The following ATP8B1 variants were observed in gnomAD, a reference collection of about 807,000 sequenced individuals.
ATP8B1 encodes the protein phospholipid-transporting ATPase IC.
Under a neutral mutation model 149.9 loss-of-function variants are expected in ATP8B1, and 80 were observed. That is an observed-to-expected ratio of 0.53 (90% confidence interval 0.45 to 0.64). The LOEUF is 0.64. ATP8B1 is among the 30% of genes least tolerant of loss of function. The probability of loss-of-function intolerance (pLI) is 0.00; values close to 1 mark genes in which losing one functional copy is unlikely to be tolerated. For synonymous variants in ATP8B1, 536 were observed against 562.8 expected (o/e 0.95, Z 0.67); for missense variants, 1,247 against 1,552.6 (o/e 0.80, Z 3.31).
intron 1 of ATP8B1, among the ~76,000 whole-genome samples, chr18:57,752,645 C>A (rs1023681103): frequency 6.6e-6 from 1 of 152,090 alleles, no homozygotes; most frequent in Non-Finnish European, 1.5e-5. Context: ...TATTAACCAT[C>A]GTAAACCTGA....
intron 1 of ATP8B1, among the ~76,000 whole-genome samples, chr18:57,793,766 A>C (rs1316644375): frequency 1.3e-5 from 2 of 151,770 alleles, no homozygotes; most frequent in Non-Finnish European, 2.9e-5. Flanking sequence ...CTCAAATATG[A>C]CCTTCTCAAG....
rs10597047 is a variant in ATP8B1 at position 57,738,631 on chromosome 18, TAAATAAAATA to T, written c.-25-6809_-25-6800del. 1.6e-3 allele frequency among the ~76,000 whole-genome samples: 235 copies of T among 150,884 alleles called. 1 individual carries two copies. The highest frequency in any genetic ancestry group is 3.0e-3 in the Admixed American group (45 of 15,126). ...CGAAACTCTGCCTCCAATAAATAAA[TAAATAAAATA>T]AAATAAAATAAAATAAAGCCATAAA... On this transcript the variant is annotated intron_variant, in intron 1 of 27. Coordinates refer to ENST00000648908, the MANE Select transcript of ATP8B1 (RefSeq NM_001374385.1).
intron 2 of ATP8B1, among the ~76,000 whole-genome samples, chr18:57,713,240 C>CTTCCTTCCTTCTTTCTTTCTTTCT (rs1555694278): frequency 3.1e-5 from 2 of 65,144 alleles, no homozygotes; most frequent in Non-Finnish European, 6.4e-5. Context: ...TCCTTCCTTC[C>CTTCCTTCCTTCTTTCTTTCTTTCT]TTCTTTCTTT....
At chr18:57,699,869 C>A (rs971393045) in intron 6 of ATP8B1, among the ~76,000 whole-genome samples, 20 of 152,282 alleles carry the variant, frequency 1.3e-4, no homozygotes, top group African/African-American at 4.6e-4. Context: ...TATGTTTAGC[C>A]TGTACCATAC....
chr18:57,762,325 G>A (rs777917295), intron 1 of ATP8B1, among the ~76,000 whole-genome samples: 3 of 151,948 alleles, frequency 2.0e-5, no homozygotes, highest in Admixed American at 6.6e-5. Flanking sequence ...TTTCAGTAGA[G>A]ACAGGGTTTC....
intron 1 of ATP8B1, among the ~76,000 whole-genome samples, chr18:57,774,427 G>T (rs1249865395): frequency 6.6e-6 from 1 of 152,142 alleles, no homozygotes; most frequent in African/African-American, 2.4e-5. Flanking sequence ...GCGAAGCCCC[G>T]TCTCTACAAA....
intron 15 of ATP8B1, among the ~76,000 whole-genome samples, chr18:57,680,490 A>G (rs1911892434): frequency 6.6e-6 from 1 of 151,514 alleles, no homozygotes; most frequent in Admixed American, 6.6e-5. Flanking sequence ...AGGCTGAGGC[A>G]GGAGAATTGA....
intron 14 of ATP8B1, among the ~76,000 whole-genome samples, 189 bp from the exon 15 acceptor site, chr18:57,684,381 A>G (rs973427934): frequency 8.7e-5 from 13 of 150,050 alleles, no homozygotes; most frequent in African/African-American, 2.9e-4. Context: ...TTTTTTTTGG[A>G]AACATATATG....
In ATP8B1 at chr18:57,803,037, G is replaced by A. The variant is rs886054016; in HGVS notation, c.-65C>T. On this transcript the variant is annotated 5_prime_UTR_variant, in exon 1 of 28. Coordinates refer to ENST00000648908, the MANE Select transcript of ATP8B1 (RefSeq NM_001374385.1). ...GCCCCGGCTGGGGCATCCGCCTGGT[G>A]CGCGCCGCTCGGAGCGCTCGCTGCG... 1 of 151,852 alleles carries A rather than the reference G, an allele frequency of 6.6e-6. No homozygotes were observed. The highest frequency in any genetic ancestry group is 1.9e-4 in the East Asian group (1 of 5,168). The allele number at this position is 151,852 out of a possible 1,614,324, so 9.4% of individuals were successfully genotyped here.
At chr18:57,743,596 G>C (rs2079938520) in intron 1 of ATP8B1, among the ~76,000 whole-genome samples, 1 of 152,080 alleles carries the variant, frequency 6.6e-6, no homozygotes, top group African/African-American at 2.4e-5. Context: ...TGGGGTGGGT[G>C]GGAGAGAGAT....
At chr18:57,729,349 G>A (rs1268664291) in intron 2 of ATP8B1, among the ~76,000 whole-genome samples, 1 of 152,098 alleles carries the variant, frequency 6.6e-6, no homozygotes, top group Non-Finnish European at 1.5e-5. Context: ...AATTGTGATA[G>A]GAGACTAAGC....
intron 1 of ATP8B1, among the ~76,000 whole-genome samples, chr18:57,739,997 C>T (rs1038884623): frequency 5.3e-5 from 8 of 152,296 alleles, no homozygotes; most frequent in South Asian, 2.1e-4. Context: ...GGGCCAAATT[C>T]GGCCCACTAC....
chr18:57,785,001 A>T (rs1309198468), intron 1 of ATP8B1, among the ~76,000 whole-genome samples: 1 of 152,228 alleles, frequency 6.6e-6, no homozygotes, highest in Non-Finnish European at 1.5e-5. Context: ...CTTCTGTCTC[A>T]AAAAGTTCAC....
chr18:57,757,466 G>C (rs1350151823), intron 1 of ATP8B1, among the ~76,000 whole-genome samples: 1 of 152,112 alleles, frequency 6.6e-6, no homozygotes, highest in African/African-American at 2.4e-5. Flanking sequence ...TTGCTTCTTG[G>C]TCCTGGTCCT....
At chr18:57,750,471 A>G (rs2080005538) in intron 1 of ATP8B1, among the ~76,000 whole-genome samples, 2 of 152,224 alleles carry the variant, frequency 1.3e-5, no homozygotes, top group Non-Finnish European at 2.9e-5. Context: ...ACATGATGCC[A>G]TCCTTTCAAA....
At chr18:57,709,439 G>A (rs960448195) in intron 2 of ATP8B1, among the ~76,000 whole-genome samples, 1 of 151,958 alleles carries the variant, frequency 6.6e-6, no homozygotes, top group Non-Finnish European at 1.5e-5. Flanking sequence ...ATAATCATAG[G>A]CACTTTTTAA....
At chr18:57,787,387 A>G (rs1682772471) in intron 1 of ATP8B1, among the ~76,000 whole-genome samples, 1 of 152,128 alleles carries the variant, frequency 6.6e-6, no homozygotes, top group Non-Finnish European at 1.5e-5. Flanking sequence ...CTGCGAGAGG[A>G]GCTCCATCTA....
intron 1 of ATP8B1, among the ~76,000 whole-genome samples, chr18:57,763,608 G>A (rs961744332): frequency 6.6e-5 from 10 of 151,662 alleles, no homozygotes; most frequent in African/African-American, 2.4e-4. Context: ...CACACAATAA[G>A]TACTCAATGT....
chr18:57,738,210 G>A (rs891269286), intron 1 of ATP8B1, among the ~76,000 whole-genome samples: 1 of 152,230 alleles, frequency 6.6e-6, no homozygotes, highest in African/African-American at 2.4e-5. Flanking sequence ...GCAGACAGGT[G>A]TGCATTTACT....
Sources: allele counts gnomAD v4.1 joint callset (sites outside exome capture counted in the v4.1 genomes callset), GRCh38; gene constraint gnomAD v4.1.1; transcripts MANE v1.5; gene names NCBI Gene and HGNC (gene_info 2026-07-23, HGNC 2026-07-21).